The following THSD7B variants were observed in gnomAD, a reference collection of about 807,000 sequenced individuals.
THSD7B encodes thrombospondin type 1 domain containing 7B.
THSD7B carries 138 observed loss-of-function variants against 213.6 expected under a neutral mutation model. That is an observed-to-expected ratio of 0.65 (90% CI 0.56 to 0.74). THSD7B has a LOEUF of 0.74. Among genes scored for constraint, THSD7B ranks in the 30% least tolerant of loss-of-function variants. THSD7B has a pLI of 0.00. For missense variants in THSD7B, 1,931 were observed against 1,991.5 expected (o/e 0.97, Z 0.58); for synonymous variants, 742 against 687.0 (o/e 1.08, Z -1.25).
At chr2:137,096,527 C>A (rs572800125) in intron 4 of THSD7B, among the ~76,000 whole-genome samples, 1 of 152,244 alleles carries the variant, frequency 6.6e-6, no homozygotes, top group South Asian at 2.1e-4. Flanking sequence ...AAAATGACCC[C>A]TTAGATTTGT....
In THSD7B at chr2:137,572,513, A is replaced by C; in HGVS notation, c.3380A>C (p.Glu1127Ala). 6.2e-7 allele frequency: 1 copy of C among 1,613,850 alleles called. No homozygotes were observed. The stretch of plus-strand genomic sequence containing the variant: ...TCCTGTTCTCTTATGTGTCCCAATG[A>C]GTGTGTCATGTCTGAGTGGGGACTT... ...TQSCSLMCPN[E>A]CVMSEWGLWS... The change falls in exon 17 of 28, where the codon GAG becomes GCG. Residue 1127 changes from glutamate to alanine, a missense_variant. Transcript: ENST00000409968.
At chr2:137,102,751 C>T (rs929097748) in intron 4 of THSD7B, among the ~76,000 whole-genome samples, 2 of 152,214 alleles carry the variant, frequency 1.3e-5, no homozygotes, top group South Asian at 2.1e-4. Flanking sequence ...ACACAAGTAT[C>T]AATAGCTGAA....
At chr2:137,116,011 G>A (rs891134270) in intron 5 of THSD7B, among the ~76,000 whole-genome samples, 1 of 152,184 alleles carries the variant, frequency 6.6e-6, no homozygotes, top group African/African-American at 2.4e-5. Flanking sequence ...AAGTGGTAAA[G>A]GTGGGAATGT....
chr2:136,882,438 T>C, intron 2 of THSD7B, 121 bp downstream of exon 2: 4 of 891,654 alleles, frequency 4.5e-6, no homozygotes, highest in South Asian at 9.2e-5. Context: ...AATAGACTCT[T>C]TTTTTTAAAT....
intron 2 of THSD7B, among the ~76,000 whole-genome samples, chr2:136,890,831 G>A (rs190726709): frequency 1.5e-4 from 22 of 151,562 alleles, no homozygotes; most frequent in Admixed American, 8.6e-4. Flanking sequence ...GTGAGCTACC[G>A]TGCCTGGCCA....
chr2:136,972,208 G>T (rs1479807311), intron 2 of THSD7B, among the ~76,000 whole-genome samples: 6 of 152,096 alleles, frequency 3.9e-5, no homozygotes, highest in Admixed American at 3.9e-4. Context: ...TGCTGAATTT[G>T]GGATAGGAAG....
At chr2:137,384,761 GAA>G (rs1420212656) in intron 12 of THSD7B, among the ~76,000 whole-genome samples, 1 of 152,084 alleles carries the variant, frequency 6.6e-6, no homozygotes, top group African/African-American at 2.4e-5. Context: ...CCTCTGGAGA[GAA>G]AGTCTCCAGA....
Position 137,642,668 on chromosome 2 carries a change from T to C in THSD7B, c.3945+35T>C, listed in dbSNP as rs1368061178. 1.4e-5 allele frequency: 22 copies of C among 1,607,490 alleles called. No individual in the cohort carries two copies. In the East Asian group the frequency reaches 4.9e-4, roughly 36 times the overall value. On this transcript the variant is annotated intron_variant, in intron 21 of 27. Coordinates refer to ENST00000409968, the MANE Select transcript of THSD7B (RefSeq NM_001316349.2). ...GTAATGACAGTTAGAGAAATATTCATCAGTATATTCGAAGCACTTGTCTGG... is the reference window on the plus strand; with the variant it reads ...GTAATGACAGTTAGAGAAATATTCACCAGTATATTCGAAGCACTTGTCTGG...
chr2:137,154,756 T>C (rs979562506), intron 5 of THSD7B, among the ~76,000 whole-genome samples: 1 of 152,204 alleles, frequency 6.6e-6, no homozygotes, highest in Non-Finnish European at 1.5e-5. Context: ...GCATTTTTCC[T>C]CTTAATTACA....
intron 1 of THSD7B, among the ~76,000 whole-genome samples, chr2:136,832,756 C>T (rs1440560027): frequency 1.3e-5 from 2 of 152,124 alleles, no homozygotes; most frequent in Non-Finnish European, 2.9e-5. Flanking sequence ...TATGCTGGTC[C>T]AGATGGTATC....
At chr2:137,161,146 G>T (rs1287024824) in intron 6 of THSD7B, among the ~76,000 whole-genome samples, 1 of 151,976 alleles carries the variant, frequency 6.6e-6, no homozygotes, top group Non-Finnish European at 1.5e-5. Flanking sequence ...TTATATTCCT[G>T]TTTATTTTTG....
chr2:137,056,565 A>G lies in THSD7B; in HGVS notation c.285A>G (p.Arg95=). ...NRPPKERSCF[R]VCDWHSDLFQ... is the part of the protein sequence containing the mutation. ...CTCCAAAGGAAAGAAGTTGTTTCCG[A>G]GTTTGTGACTGGCACAGTGACCTCT... is the stretch of plus-strand genomic sequence containing the variant. The change falls in exon 3 of 28, where the codon CGA becomes CGG. Residue 95 remains arginine (R), a synonymous_variant. Transcript: ENST00000409968. 6.2e-7 allele frequency: 1 copy of G among 1,613,906 alleles called. No homozygotes were observed. Among genetic ancestry groups the G allele is most frequent in the Non-Finnish European group, 8.5e-7 (1 of 1,179,868 alleles).
At chr2:137,091,014 T>A (rs1466435683) in intron 3 of THSD7B, among the ~76,000 whole-genome samples, 1 of 152,206 alleles carries the variant, frequency 6.6e-6, no homozygotes, top group South Asian at 2.1e-4. Flanking sequence ...GAGCTCAACA[T>A]GTTACCTTTT....
At chr2:136,976,945 C>T (rs1385180808) in intron 2 of THSD7B, among the ~76,000 whole-genome samples, 8 of 151,890 alleles carry the variant, frequency 5.3e-5, no homozygotes, top group Non-Finnish European at 1.5e-5. Flanking sequence ...TGTTGTGCCT[C>T]TGCCAGGTTT....
intron 12 of THSD7B, among the ~76,000 whole-genome samples, chr2:137,332,187 AG>A (rs2104895253): frequency 6.6e-6 from 1 of 152,122 alleles, no homozygotes; most frequent in South Asian, 2.1e-4. Context: ...AGCCAGGAGG[AG>A]GGCTGTACCC....
At chr2:137,400,743 G>A (rs969125219) in intron 12 of THSD7B, among the ~76,000 whole-genome samples, 8 of 152,354 alleles carry the variant, frequency 5.3e-5, no homozygotes, top group African/African-American at 1.4e-4. Context: ...TGCAGTGATA[G>A]TGGTAGGATT....
At chr2:137,160,139 T>A in intron 5 of THSD7B, 74 bp from the exon 6 acceptor site, 1 of 1,469,400 alleles carries the variant, frequency 6.8e-7, no homozygotes, top group Non-Finnish European at 9.1e-7. Flanking sequence ...AAGACAGGCA[T>A]GCAAATAAAG....
chr2:137,667,766 T>C lies in THSD7B; in HGVS notation c.4652-8T>C, dbSNP rs1276380200. On this transcript the variant is annotated splice_polypyrimidine_tract_variant and splice_region_variant and intron_variant, in intron 26 of 27. Transcript: ENST00000409968. ...CTAAGCTTCTTATGTTATCTCTATT[T>C]TAAACAGATGGCCGAGTAAAAATTT... The C allele has an allele frequency of 6.3e-7, 1 of 1,597,064 alleles. No individual in the cohort carries two copies. The highest frequency in any genetic ancestry group is 8.5e-7 in the Non-Finnish European group (1 of 1,170,534).
At chr2:137,342,111 T>C (rs1299096527) in intron 12 of THSD7B, among the ~76,000 whole-genome samples, 3 of 151,652 alleles carry the variant, frequency 2.0e-5, no homozygotes, top group Non-Finnish European at 3.0e-5. Context: ...TGTGGACATT[T>C]TAACAATATT....
Sources: gnomAD v4.1 joint callset for allele counts (sites outside exome capture counted in the v4.1 genomes callset) on GRCh38, gnomAD v4.1.1 for gene constraint, MANE v1.5 for transcripts, NCBI Gene and HGNC (gene_info 2026-07-23, HGNC 2026-07-21) for gene names.